RETREG1: variants seen among roughly 807,000 people sequenced by gnomAD.
RETREG1 encodes family with sequence similarity 134 member B.
In RETREG1, 44 loss-of-function variants were observed where a neutral mutation model predicts 54.8. The observed-to-expected ratio is 0.80, with a 90% confidence interval of 0.63 to 1.03. The LOEUF is 1.03. RETREG1 is among the 50% of genes least tolerant of loss of function. RETREG1 has a pLI of 0.00. For synonymous variants in RETREG1, 217 were observed against 238.5 expected (o/e 0.91, Z 0.83); for missense variants, 554 against 605.1 (o/e 0.92, Z 0.89).
rs1743535497 is a variant in RETREG1 at position 16,616,907 on chromosome 5, T to TGCTCCTCGGCGGCAGGAGCCGGGCATC, written c.38_64dup (p.Glu21_Gln22insArgCysProAlaProAlaAlaGluGlu). On this transcript the variant is annotated inframe_insertion, in exon 1 of 9. Coordinates refer to ENST00000306320, the MANE Select transcript of RETREG1 (RefSeq NM_001034850.3). ...GGGCGGTGGCGGCGACGGCGGCGCC[T>TGCTCCTCGGCGGCAGGAGCCGGGCATC]GCTCCTCGGCGGCAGGAGCCGGGCA... 6.8e-7 allele frequency: 1 copy of TGCTCCTCGGCGGCAGGAGCCGGGCATC among 1,479,362 alleles called. No homozygotes were observed. The highest frequency in any genetic ancestry group is 8.9e-7 in the Non-Finnish European group (1 of 1,122,288). The allele number at this position is 1,479,362 out of a possible 1,614,324, so 91.6% of individuals were successfully genotyped here.
chr5:16,576,563 G>A (rs1486683428), intron 1 of RETREG1, among the ~76,000 whole-genome samples: 4 of 152,054 alleles, frequency 2.6e-5, no homozygotes, highest in African/African-American at 4.8e-5. Flanking sequence ...TCGGCTCACC[G>A]CAACCTCCGC....
chr5:16,506,473 T>G (rs568293786), intron 3 of RETREG1, among the ~76,000 whole-genome samples: 1 of 105,380 alleles, frequency 9.5e-6, no homozygotes, highest in South Asian at 2.5e-4. Flanking sequence ...CTTTTTGTTT[T>G]TTTGTTTTTT....
chr5:16,573,180 CAAAAAAAAAAAAA>C lies in RETREG1; in HGVS notation c.321-1091_321-1079del, dbSNP rs11303408. ...CTGGTGAGAGAGTGAGATTCTGTCT[CAAAAAAAAAAAAA>C]AAAAAAAAAAAAAAAAGCAGTTATT... On this transcript the variant is annotated intron_variant, in intron 1 of 8. Transcript: ENST00000306320. Among the ~76,000 whole-genome samples, 160 of 45,162 alleles carry C rather than the reference CAAAAAAAAAAAAA, an allele frequency of 3.5e-3. 1 individual carries two copies. Among genetic ancestry groups the C allele is most frequent in the African/African-American group, 9.7e-3 (130 of 13,450 alleles). The allele number at this position is 45,162 out of a possible 152,430, so 29.6% of individuals were successfully genotyped here. A position where few individuals can be genotyped will look rare whatever the true frequency, so the allele number is the denominator to read the frequency against.
chr5:16,586,933 G>A (rs1247381507), intron 1 of RETREG1, among the ~76,000 whole-genome samples: 1 of 152,222 alleles, frequency 6.6e-6, no homozygotes, highest in Non-Finnish European at 1.5e-5. Context: ...GTGTTCTCAC[G>A]TGGTAGAAGG....
At chr5:16,543,049 T>TTGCAG (rs1196446307) in intron 3 of RETREG1, among the ~76,000 whole-genome samples, 1 of 152,226 alleles carries the variant, frequency 6.6e-6, no homozygotes, top group African/African-American at 2.4e-5. Context: ...GTAGATTAGT[T>TTGCAG]TGCACTTTTA....
intron 3 of RETREG1, among the ~76,000 whole-genome samples, chr5:16,496,713 T>A (rs1367668930): frequency 6.6e-6 from 1 of 152,260 alleles, no homozygotes; most frequent in Non-Finnish European, 1.5e-5. Flanking sequence ...TCAGTTTACA[T>A]AATTTTATGC....
intron 1 of RETREG1, among the ~76,000 whole-genome samples, chr5:16,602,401 G>A (rs1290501898): frequency 6.6e-6 from 1 of 152,114 alleles, no homozygotes; most frequent in East Asian, 1.9e-4. Context: ...GAGGAGACCA[G>A]AACAGAAGGA....
rs1004917345 is a variant in RETREG1, at chr5:16,597,705, C to T, written c.320+18947G>A. On this transcript the variant is annotated intron_variant, in intron 1 of 8. Transcript: ENST00000306320. This position sits in a 1 kb window ranked among gnomAD's most constrained non-coding sequence, Gnocchi z 4.3. The stretch of plus-strand genomic sequence containing the variant: ...TTCCCCTTGCTGCCCCACTCTCAGC[C>T]TCCAACATGTCTCCCACATGCCCCT... Among the ~76,000 whole-genome samples the T allele has an allele frequency of 2.0e-5, 3 of 152,184 alleles. No homozygotes were observed. The highest frequency in any genetic ancestry group is 7.2e-5 in the African/African-American group (3 of 41,432).
chr5:16,525,759 T>C (rs944206303), intron 3 of RETREG1, among the ~76,000 whole-genome samples: 2 of 101,494 alleles, frequency 2.0e-5, no homozygotes, highest in African/African-American at 3.5e-5. Flanking sequence ...TGTGTATATA[T>C]ATACACAGAG....
At chr5:16,529,661 T>A (rs1367773012) in intron 3 of RETREG1, among the ~76,000 whole-genome samples, 4 of 152,082 alleles carry the variant, frequency 2.6e-5, no homozygotes, top group African/African-American at 9.7e-5. Context: ...TTTGCGTCAC[T>A]GTTCAACAGC....
chr5:16,510,603 A>G (rs1242371912), intron 3 of RETREG1, among the ~76,000 whole-genome samples: 1 of 152,078 alleles, frequency 6.6e-6, no homozygotes, highest in Non-Finnish European at 1.5e-5. Context: ...CAGCCTGGCC[A>G]ATATAGTGAA....
chr5:16,494,319 CA>C (rs1033041205), intron 3 of RETREG1, among the ~76,000 whole-genome samples: 1 of 151,746 alleles, frequency 6.6e-6, no homozygotes, highest in Admixed American at 6.6e-5. Flanking sequence ...ATAGATGACA[CA>C]AAAAAAATGG....
intron 3 of RETREG1, among the ~76,000 whole-genome samples, chr5:16,521,154 C>A (rs1740521999): frequency 6.6e-6 from 1 of 152,140 alleles, no homozygotes; most frequent in Non-Finnish European, 1.5e-5. Context: ...CTGCTTATTT[C>A]CTCATTCCTC....
chr5:16,511,916 C>G (rs1284522565), intron 3 of RETREG1, among the ~76,000 whole-genome samples: 1 of 152,112 alleles, frequency 6.6e-6, no homozygotes, highest in Non-Finnish European at 1.5e-5. Flanking sequence ...CACCTCCCAG[C>G]AGGCCCCACT....
intron 3 of RETREG1, among the ~76,000 whole-genome samples, chr5:16,529,820 C>G (rs778135089): frequency 3.9e-5 from 6 of 152,170 alleles, no homozygotes; most frequent in Non-Finnish European, 7.3e-5. Context: ...CCTTTTGGTA[C>G]ATAAGTACCA....
intron 3 of RETREG1, among the ~76,000 whole-genome samples, chr5:16,485,115 A>T (rs1738964306): frequency 6.6e-6 from 1 of 152,136 alleles, no homozygotes; most frequent in East Asian, 1.9e-4. Context: ...TGGCAAAGGA[A>T]ATATAAGGTT....
At chr5:16,564,759 C>G (rs1461928986) in intron 3 of RETREG1, among the ~76,000 whole-genome samples, 1 of 152,176 alleles carries the variant, frequency 6.6e-6, no homozygotes, top group African/African-American at 2.4e-5. Context: ...AAGTCTGCAT[C>G]CTGCCCATGA....
intron 3 of RETREG1, among the ~76,000 whole-genome samples, chr5:16,487,638 G>T (rs1000210649): frequency 1.3e-5 from 2 of 152,150 alleles, no homozygotes; most frequent in East Asian, 1.9e-4. Context: ...TCCTTCTTAC[G>T]GAAAAACTAG....
intron 3 of RETREG1, among the ~76,000 whole-genome samples, chr5:16,511,577 G>A (rs767615200): frequency 3.9e-5 from 6 of 152,118 alleles, no homozygotes; most frequent in Non-Finnish European, 8.8e-5. Flanking sequence ...TCCAACCATG[G>A]AGTCCCCTTT....
Sources: allele counts gnomAD v4.1 joint callset (sites outside exome capture counted in the v4.1 genomes callset), GRCh38; gene constraint gnomAD v4.1.1; non-coding constraint Gnocchi (gnomAD v3.1); transcripts MANE v1.5; gene names NCBI Gene and HGNC (gene_info 2026-07-23, HGNC 2026-07-21).